Variants in HTT-AS observed in about 807,000 individuals in gnomAD.
The protein encoded by HTT-AS is HTT antisense RNA, also known as HTT antisense RNA (head to head).
chr4:3,048,210 G>A (rs909526577), downstream of HTT-AS, among the ~76,000 whole-genome samples: 3 of 152,114 alleles, frequency 2.0e-5, no homozygotes, highest in Admixed American at 6.6e-5. Flanking sequence ...GGCCCAGTAG[G>A]GCTGGACCCT....
At chr4:3,073,153 C>A (rs1712228730) in intron 1 of HTT-AS, among the ~76,000 whole-genome samples, 1 of 152,228 alleles carries the variant, frequency 6.6e-6, no homozygotes. Context: ...TTAGGACAGG[C>A]TCTGAGACAA....
chr4:3,062,688 T>A (rs1711956940), exon 2 of HTT-AS, among the ~76,000 whole-genome samples: 1 of 151,934 alleles, frequency 6.6e-6, no homozygotes, highest in Non-Finnish European at 1.5e-5. Flanking sequence ...TGTGCACTGC[T>A]GAGGGTAAGT....
intron 2 of HTT-AS, among the ~76,000 whole-genome samples, chr4:3,049,711 G>C (rs1328169685): frequency 6.6e-6 from 1 of 152,096 alleles, no homozygotes; most frequent in Non-Finnish European, 1.5e-5. Context: ...AGAATGCAAA[G>C]GGTTTGACCT....
intron 2 of HTT-AS, among the ~76,000 whole-genome samples, chr4:3,061,393 T>C (rs1711922773): frequency 6.6e-6 from 1 of 152,150 alleles, no homozygotes. Flanking sequence ...AGAATATGCG[T>C]CTATTGACTG....
intron 2 of HTT-AS, among the ~76,000 whole-genome samples, chr4:3,051,326 A>C (rs1000414911): frequency 6.6e-6 from 1 of 152,002 alleles, no homozygotes; most frequent in African/African-American, 2.4e-5. Flanking sequence ...TGGCCCCCCA[A>C]AGTGCTGGGA....
intron 2 of HTT-AS, among the ~76,000 whole-genome samples, chr4:3,053,222 G>A (rs1420603177): frequency 6.6e-6 from 1 of 152,134 alleles, no homozygotes; most frequent in Non-Finnish European, 1.5e-5. Context: ...TGTGTTGTGT[G>A]TTTAATGTTT....
chr4:3,073,074 T>G (rs761206724), intron 1 of HTT-AS, among the ~76,000 whole-genome samples: 1 of 152,198 alleles, frequency 6.6e-6, no homozygotes, highest in Non-Finnish European at 1.5e-5. Context: ...TAACAGCTGT[T>G]TCTCTGCTGT....
At chr4:3,058,097 C>T (rs530965377) in intron 2 of HTT-AS, among the ~76,000 whole-genome samples, 5 of 151,734 alleles carry the variant, frequency 3.3e-5, no homozygotes, top group East Asian at 2.0e-4. Flanking sequence ...GAGGCCAAGG[C>T]GGGCAGATGA....
chr4:3,070,463 G>C (rs1380170697), intron 1 of HTT-AS, among the ~76,000 whole-genome samples: 5 of 152,034 alleles, frequency 3.3e-5, no homozygotes, highest in Non-Finnish European at 7.4e-5. Context: ...GCTAATTTTT[G>C]TATTTTTAGT....
At chr4:3,049,387 G>A (rs755034969) in exon 3 of HTT-AS, among the ~76,000 whole-genome samples, 8 of 151,830 alleles carry the variant, frequency 5.3e-5, no homozygotes, top group African/African-American at 9.7e-5. Flanking sequence ...CTGCACCACC[G>A]CACTCCAGCC....
intron 1 of HTT-AS, among the ~76,000 whole-genome samples, chr4:3,068,900 C>T (rs955218510): frequency 3.3e-5 from 5 of 152,048 alleles, no homozygotes; most frequent in Non-Finnish European, 7.4e-5. Context: ...GGTGATCCAC[C>T]TGCCTGGGCC....
At chr4:3,057,732 C>G (rs1711835571) in intron 2 of HTT-AS, among the ~76,000 whole-genome samples, 1 of 152,006 alleles carries the variant, frequency 6.6e-6, no homozygotes, top group Non-Finnish European at 1.5e-5. Flanking sequence ...CTCCCGGGTT[C>G]ATGCCATTCT....
chr4:3,073,754 G>C (rs1315884651), intron 1 of HTT-AS, among the ~76,000 whole-genome samples: 1 of 152,238 alleles, frequency 6.6e-6, no homozygotes, highest in Non-Finnish European at 1.5e-5. Flanking sequence ...GGGGTCCTCA[G>C]GTCGTGCCGA....
Position 3,069,826 on chromosome 4 carries a change from AC to A in HTT-AS, n.113+4599del. Among the ~76,000 whole-genome samples the A allele has an allele frequency of 1.3e-5, 2 of 152,172 alleles. 1 individual carries two copies. The highest frequency in any genetic ancestry group is 6.8e-3 in the Middle Eastern group (2 of 294). ...GAAGGTTCCTGCCTGTTTTGCCCTC[AC>A]ACCTGCTCCTCTCTCAGCCCTCTCA... On this transcript the variant is annotated intron_variant and non_coding_transcript_variant, in intron 1 of 2. Coordinates refer to ENST00000664062, the Ensembl canonical transcript of HTT-AS.
intron 2 of HTT-AS, among the ~76,000 whole-genome samples, chr4:3,058,538 C>T (rs1037565373): frequency 1.1e-4 from 16 of 152,046 alleles, no homozygotes; most frequent in African/African-American, 3.4e-4. Flanking sequence ...CCTGTTTTAT[C>T]AGTAAGGTCT....
At chr4:3,053,940 A>G (rs1711761131) in intron 2 of HTT-AS, among the ~76,000 whole-genome samples, 1 of 151,744 alleles carries the variant, frequency 6.6e-6, no homozygotes, top group Non-Finnish European at 1.5e-5. Context: ...TTGTATTTTT[A>G]GTAGAGATGA....
intron 1 of HTT-AS, chr4:3,070,291 G>A (rs934192808): frequency 8.3e-5 from 12 of 145,258 alleles, no homozygotes; most frequent in Non-Finnish European, 1.5e-4. Flanking sequence ...TTTCTCTCTC[G>A]CTCTTTTTTT....
chr4:3,072,752 G>A (rs1035165776), intron 1 of HTT-AS, among the ~76,000 whole-genome samples: 5 of 152,056 alleles, frequency 3.3e-5, no homozygotes, highest in Admixed American at 1.3e-4. Context: ...CTCAGCCTCC[G>A]GAATAGCTGG....
At chr4:3,048,584 C>T (rs1184808205), downstream of HTT-AS, among the ~76,000 whole-genome samples, 2 of 152,144 alleles carry the variant, frequency 1.3e-5, no homozygotes, top group Non-Finnish European at 2.9e-5. Context: ...ACTAAGTGGC[C>T]TTTTCATTAA....
Sources: gnomAD v4.1 joint callset for allele counts (sites outside exome capture counted in the v4.1 genomes callset) on GRCh38, gnomAD v4.1.1 for gene constraint, MANE v1.5 for transcripts, NCBI Gene and HGNC (gene_info 2026-07-23, HGNC 2026-07-21) for gene names.